Variants in CD82 observed in about 807,000 individuals in gnomAD.
The protein encoded by CD82 is CD82 molecule, also known as CD82 antigen.
A neutral mutation model predicts 37.4 loss-of-function variants in CD82; 36 were observed. The observed-to-expected ratio is 0.96, with a 90% CI of 0.74 to 1.27. CD82 has a LOEUF of 1.27. Among genes scored for constraint, CD82 ranks in the 50% most tolerant of loss-of-function variants. The pLI is 0.00. For synonymous variants in CD82, 158 were observed against 137.4 expected, an observed-to-expected ratio of 1.15 and a Z score of -1.05; for missense variants, 340 against 347.0, an observed-to-expected ratio of 0.98 and a Z score of 0.16.
chr11:44,613,110 C>T (rs1853509897), intron 6 of CD82, among the ~76,000 whole-genome samples: 1 of 152,210 alleles, frequency 6.6e-6, no homozygotes, highest in African/African-American at 2.4e-5. Context: ...CCTGGAAGTA[C>T]CTGTCTCATT....
chr11:44,602,315 C>T (rs1227327002), intron 4 of CD82, among the ~76,000 whole-genome samples: 1 of 152,232 alleles, frequency 6.6e-6, no homozygotes, highest in Non-Finnish European at 1.5e-5. Context: ...TGCTTCACCT[C>T]TCTGTGCCTC....
intron 2 of CD82, among the ~76,000 whole-genome samples, chr11:44,593,009 G>A (rs1360396303): frequency 6.6e-6 from 1 of 152,164 alleles, no homozygotes; most frequent in Non-Finnish European, 1.5e-5. Context: ...GGCACTTAAA[G>A]AAAACTTCCT....
In CD82 at chr11:44,597,658, G is replaced by T. The variant is rs1171658510; in HGVS notation, c.64-2500G>T. On this transcript the variant is annotated intron_variant, in intron 3 of 9. Coordinates refer to ENST00000227155, the MANE Select transcript of CD82 (RefSeq NM_002231.4). This position sits in a 1 kb window ranked among gnomAD's most constrained non-coding sequence, Gnocchi z 4.1. ...CTTGGGATTATGTGTGCCAAGAGGG[G>T]ATTTTCTGTCCTGCCTCCCATTCCC... Among the ~76,000 whole-genome samples the T allele has an allele frequency of 6.6e-6, 1 of 152,228 alleles. No individual in the cohort carries two copies. Among genetic ancestry groups the T allele is most frequent in the Non-Finnish European group, 1.5e-5 (1 of 68,026 alleles).
At chr11:44,585,141 A>G (rs1336609452) in intron 1 of CD82, 2 of 454,564 alleles carry the variant, frequency 4.4e-6, no homozygotes, top group African/African-American at 2.0e-5. Flanking sequence ...CTTCTCCCCC[A>G]GCCCCTTACC....
At chr11:44,577,404 C>T (rs1281037237) in intron 1 of CD82, among the ~76,000 whole-genome samples, 1 of 152,120 alleles carries the variant, frequency 6.6e-6, no homozygotes, top group Non-Finnish European at 1.5e-5. Flanking sequence ...GGAAGACTTG[C>T]TCCTCTGGCC....
intron 1 of CD82, among the ~76,000 whole-genome samples, chr11:44,572,760 A>C (rs1852832283): frequency 6.6e-6 from 1 of 152,236 alleles, no homozygotes; most frequent in South Asian, 2.1e-4. Context: ...CAGTTTCCTC[A>C]TCTGTGAAAT....
At position 44,619,180 on chromosome 11, in the gene CD82, G is replaced by GA; in HGVS notation, c.*54_*55insA. ...GGCCCCCAACCTCAGGGCTCCCAGG[G>GA]GTCTCCCTGGCTCCCTCCTCCAGGC... On this transcript the variant is annotated 3_prime_UTR_variant, in exon 10 of 10. Coordinates refer to ENST00000227155, the MANE Select transcript of CD82 (RefSeq NM_002231.4). 2.1e-6 allele frequency: 3 copies of GA among 1,428,504 alleles called. No homozygotes were observed. The highest frequency in any genetic ancestry group is 1.4e-5 in the African/African-American group (1 of 71,336). 88.5% of individuals were successfully genotyped at this position (1,428,504 alleles called of 1,614,324 possible).
At chr11:44,613,188 C>T (rs1232372665) in intron 6 of CD82, among the ~76,000 whole-genome samples, 7 of 152,204 alleles carry the variant, frequency 4.6e-5, no homozygotes. Flanking sequence ...GCATCCCTGC[C>T]TTCTAGGGTC....
intron 6 of CD82, among the ~76,000 whole-genome samples, chr11:44,614,281 G>A (rs1446845635): frequency 6.6e-6 from 1 of 152,202 alleles, no homozygotes; most frequent in East Asian, 1.9e-4. Context: ...GGCCCTGTTT[G>A]GAGAGGCTGC....
At chr11:44,592,820 A>T (rs1413418754) in intron 2 of CD82, among the ~76,000 whole-genome samples, 2 of 152,136 alleles carry the variant, frequency 1.3e-5, no homozygotes, top group African/African-American at 2.4e-5. Context: ...GGAGCCCCCT[A>T]GACTGGAAGA....
intron 6 of CD82, 103 bp from the exon 7 acceptor site, chr11:44,615,168 AG>A: frequency 1.4e-6 from 1 of 734,744 alleles, no homozygotes; most frequent in Non-Finnish European, 2.4e-6. Flanking sequence ...AGCGTGTCCC[AG>A]GGTTGCTGAG....
intron 1 of CD82, among the ~76,000 whole-genome samples, chr11:44,568,322 G>A (rs930112321): frequency 7.9e-5 from 12 of 152,158 alleles, no homozygotes; most frequent in African/African-American, 2.9e-4. Context: ...GGTGGGAGGG[G>A]ACTGTTCCAG....
chr11:44,611,829 T>G (rs753983942), intron 6 of CD82, among the ~76,000 whole-genome samples: 33 of 152,174 alleles, frequency 2.2e-4, no homozygotes, highest in Admixed American at 2.1e-3. Context: ...CTGAAAGATG[T>G]TGTGGTGTTT....
chr11:44,586,122 G>A (rs1377469332), intron 1 of CD82, among the ~76,000 whole-genome samples: 1 of 152,172 alleles, frequency 6.6e-6, no homozygotes, highest in Non-Finnish European at 1.5e-5. Flanking sequence ...CAATACACTG[G>A]AACCCCCTGG....
intron 1 of CD82, among the ~76,000 whole-genome samples, chr11:44,583,756 T>C (rs922873306): frequency 2.6e-5 from 4 of 152,184 alleles, no homozygotes; most frequent in African/African-American, 9.7e-5. Flanking sequence ...CTCTCAATAA[T>C]CTCTCGTTTA....
rs867945645 is a variant in CD82 at position 44,597,360 on chromosome 11, C to G, written c.63+2635C>G. ...GTCCCATCTGGGGATTGGGGAAGGG[C>G]TGGGGGAGTGATTAACATGGGGCCT... On this transcript the variant is annotated intron_variant, in intron 3 of 9. Coordinates refer to ENST00000227155, the MANE Select transcript of CD82 (RefSeq NM_002231.4). The surrounding 1 kb of genome is among the most constrained non-coding windows in gnomAD (Gnocchi z 4.1). 4.1e-5 allele frequency among the ~76,000 whole-genome samples: 5 copies of G among 122,472 alleles called. No individual in the cohort carries two copies. The highest frequency in any genetic ancestry group is 8.7e-5 in the Non-Finnish European group (5 of 57,532). The allele number at this position is 122,472 out of a possible 152,430, so 80.3% of individuals were successfully genotyped here.
At chr11:44,583,879 A>G (rs1401579887) in intron 1 of CD82, among the ~76,000 whole-genome samples, 1 of 152,114 alleles carries the variant, frequency 6.6e-6, no homozygotes, top group Non-Finnish European at 1.5e-5. Flanking sequence ...CCTTTCCCCA[A>G]GTGTCAGCTG....
intron 1 of CD82, chr11:44,565,993 T>C: frequency 6.6e-6 from 1 of 152,310 alleles, no homozygotes; most frequent in East Asian, 1.9e-4. Context: ...CAGGAGGAAG[T>C]GAACCAGGTG....
chr11:44,566,225 A>C (rs1355659071), intron 1 of CD82: 2 of 152,252 alleles, frequency 1.3e-5, no homozygotes, highest in East Asian at 3.8e-4. Context: ...AGGCCAAAGC[A>C]GGGAGGTTCC....
Sources: gnomAD v4.1 joint callset for allele counts (sites outside exome capture counted in the v4.1 genomes callset) on GRCh38, gnomAD v4.1.1 for gene constraint, Gnocchi (gnomAD v3.1) non-coding constraint, MANE v1.5 for transcripts, NCBI Gene and HGNC (gene_info 2026-07-23, HGNC 2026-07-21) for gene names.